The following ADAP2 variants were observed in gnomAD, a reference collection of about 807,000 sequenced individuals.
ADAP2 encodes the protein arf-GAP with dual PH domain-containing protein 2.
In ADAP2, 42 loss-of-function variants were observed where a neutral mutation model predicts 54.9. The ratio of observed to expected loss-of-function variants is 0.77; its 90% CI spans 0.60 to 0.99. The LOEUF (loss-of-function observed/expected upper bound fraction) is 0.99, where lower values mean the gene tolerates loss of function less well. Ranked by LOEUF, ADAP2 falls within the 50% of genes least tolerant of loss-of-function variation. The pLI is 0.00. For missense variants in ADAP2, 429 were observed against 480.4 expected (o/e 0.89, Z 1.00); for synonymous variants, 177 against 180.1 (o/e 0.98, Z 0.14).
chr17:30,933,011 G>T (rs1370040419), intron 4 of ADAP2, among the ~76,000 whole-genome samples: 1 of 152,074 alleles, frequency 6.6e-6, no homozygotes, highest in African/African-American at 2.4e-5. Context: ...CCTCCCTTTC[G>T]ACCATTGTGC....
chr17:30,922,996 G>A lies in ADAP2; in HGVS notation c.151G>A (p.Val51Ile). ...GIFICLNCCG[V>I]HRNFPDISRV... ...CTTCATCTGTCTCAACTGCTGCGGC[G>A]TCCACCGTAACTTCCCTGACATCAG... The change falls in exon 2 of 11, where the codon GTC becomes ATC. Residue 51 changes from valine to isoleucine, a missense_variant. Transcript: ENST00000330889. 1 of 1,614,062 alleles carries A rather than the reference G, an allele frequency of 6.2e-7. No individual in the cohort carries two copies. Among genetic ancestry groups the A allele is most frequent in the South Asian group, 1.1e-5 (1 of 91,060 alleles).
At chr17:30,946,162 CA>C (rs200632165) in intron 6 of ADAP2, among the ~76,000 whole-genome samples, 7 of 150,820 alleles carry the variant, frequency 4.6e-5, no homozygotes, top group Middle Eastern at 3.4e-3. Context: ...CTCAAAAAAA[CA>C]AAAAAAACAA....
chr17:30,940,789 G>GT (rs1912219319), intron 5 of ADAP2, among the ~76,000 whole-genome samples: 1 of 152,170 alleles, frequency 6.6e-6, no homozygotes, highest in Non-Finnish European at 1.5e-5. Flanking sequence ...TTTCTCAGAT[G>GT]TTTTTCTGCT....
At position 30,958,420 on chromosome 17, in the gene ADAP2, A is replaced by G. The variant is rs191432573; in HGVS notation, c.*551A>G. On this transcript the variant is annotated 3_prime_UTR_variant, in exon 11 of 11. Coordinates refer to ENST00000330889, the MANE Select transcript of ADAP2 (RefSeq NM_018404.3). ...AGCGAGACTCCGTATCAGAAAGAAA[A>G]AGAGGAACTGAATGAAATCTCAGAT... 6.5e-6 allele frequency: 1 copy of G among 152,812 alleles called. No individual in the cohort carries two copies. The highest frequency in any genetic ancestry group is 1.5e-5 in the Non-Finnish European group (1 of 68,314). 9.5% of individuals were successfully genotyped at this position (152,812 alleles called of 1,614,324 possible). A position where few individuals can be genotyped will look rare whatever the true frequency, so the allele number is the denominator to read the frequency against.
At chr17:30,928,325 G>A (rs368029872) in intron 3 of ADAP2, among the ~76,000 whole-genome samples, 2 of 150,888 alleles carry the variant, frequency 1.3e-5, no homozygotes, top group African/African-American at 4.9e-5. Flanking sequence ...GTGAAACCCC[G>A]TCTCTACTAA....
intron 6 of ADAP2, 66 bp from the exon 7 acceptor site, chr17:30,949,221 C>T: frequency 7.2e-7 from 1 of 1,383,480 alleles, no homozygotes; most frequent in Non-Finnish European, 1.0e-6. Context: ...TTCCCGCCAC[C>T]AGAGGTAGCT....
rs761276173 is a variant in ADAP2 at position 30,931,969 on chromosome 17, G to A, written c.397+1G>A. On this transcript the variant is annotated splice_donor_variant, in intron 4 of 10. Coordinates refer to ENST00000330889, the MANE Select transcript of ADAP2 (RefSeq NM_018404.3). LOFTEE classifies it high-confidence loss of function. ...GATGGGGAAACCATCTCGCTCCCAG[G>A]TAAAGTTATTTCCATCACCTTTTGA... The A allele has an allele frequency of 1.4e-5, 22 of 1,613,458 alleles. 1 individual carries two copies.
intron 3 of ADAP2, 119 bp from the exon 4 acceptor site, chr17:30,931,770 G>A (rs563543533): frequency 3.8e-5 from 25 of 659,178 alleles, no homozygotes; most frequent in African/African-American, 1.6e-4. Flanking sequence ...GCAGTGAGCC[G>A]TGATCACGTG....
chr17:30,941,295 A>G (rs1157855338), intron 5 of ADAP2, among the ~76,000 whole-genome samples: 1 of 152,164 alleles, frequency 6.6e-6, no homozygotes, highest in Non-Finnish European at 1.5e-5. Flanking sequence ...GATTTTTTTC[A>G]TTGTAAATTG....
intron 2 of ADAP2, 28 bp downstream of exon 2, chr17:30,923,098 T>C (rs201918740): frequency 6.2e-6 from 10 of 1,611,792 alleles, no homozygotes; most frequent in East Asian, 2.2e-5. Flanking sequence ...TGGAGAGCCA[T>C]GGAACTGCGG....
chr17:30,937,729 G>C (rs1911991365), intron 5 of ADAP2, among the ~76,000 whole-genome samples: 1 of 152,218 alleles, frequency 6.6e-6, no homozygotes, highest in Non-Finnish European at 1.5e-5. Context: ...TGAAGGATTG[G>C]ATGTGGGGTG....
chr17:30,940,391 G>C (rs1330727494), intron 5 of ADAP2, among the ~76,000 whole-genome samples: 2 of 150,526 alleles, frequency 1.3e-5, no homozygotes, highest in Admixed American at 6.6e-5. Flanking sequence ...TGCAACCTTC[G>C]CCTCCCAGGT....
Position 30,949,336 on chromosome 17 carries a change from T to TA in ADAP2, c.712dup (p.Met238AsnfsTer5). 6.2e-7 allele frequency: 1 copy of TA among 1,614,088 alleles called. No individual in the cohort carries two copies. Among genetic ancestry groups the TA allele is most frequent in the South Asian group, 1.1e-5 (1 of 91,072 alleles). On this transcript the variant is annotated frameshift_variant, in exon 7 of 11. Transcript: ENST00000330889. LOFTEE classifies it high-confidence loss of function. Reference sequence around the variant, plus strand: ...CTCCGTGCAGCCCGTCTGCAGTACCTAAAAATGGCCTTTCCTGAACTCCCA... The same window carrying TA: ...CTCCGTGCAGCCCGTCTGCAGTACCTAAAAAATGGCCTTTCCTGAACTCCCA...
chr17:30,930,884 T>C (rs949603081), intron 3 of ADAP2, among the ~76,000 whole-genome samples: 1 of 152,226 alleles, frequency 6.6e-6, no homozygotes, highest in Non-Finnish European at 1.5e-5. Context: ...ACACCTACTA[T>C]GTGCTGAGTA....
In ADAP2 at chr17:30,931,931, G is replaced by C. The variant is rs1230923148; in HGVS notation, c.360G>C (p.Arg120=). 1.9e-6 allele frequency: 3 copies of C among 1,613,938 alleles called. No individual in the cohort carries two copies. In the African/African-American group the frequency reaches 4.0e-5, roughly 22 times the overall value. The change falls in exon 4 of 11, where the codon CGG becomes CGC. Residue 120 remains arginine, a synonymous_variant. Coordinates refer to ENST00000330889, the MANE Select transcript of ADAP2 (RefSeq NM_018404.3). ...EQWIRAKYER[R]EFMADGETIS... ...GGATTCGAGCTAAGTATGAGAGACG[G>C]GAATTTATGGCTGATGGGGAAACCA...
At chr17:30,940,978 C>T (rs1421158470) in intron 5 of ADAP2, among the ~76,000 whole-genome samples, 1 of 152,200 alleles carries the variant, frequency 6.6e-6, no homozygotes, top group Non-Finnish European at 1.5e-5. Context: ...TCTCGGTAGC[C>T]ATTGCTTTGA....
intron 5 of ADAP2, among the ~76,000 whole-genome samples, chr17:30,937,283 G>A (rs1376138880): frequency 6.6e-6 from 1 of 151,622 alleles, no homozygotes; most frequent in Non-Finnish European, 1.5e-5. Context: ...GTGCAATGGT[G>A]TGATCTCGGC....
intron 5 of ADAP2, among the ~76,000 whole-genome samples, chr17:30,934,583 T>C (rs1338829137): frequency 6.6e-6 from 1 of 152,228 alleles, no homozygotes. Flanking sequence ...ATTGAGTACC[T>C]ACTGTGTGCT....
At chr17:30,956,209 C>A in intron 9 of ADAP2, 32 bp from the exon 10 acceptor site, 1 of 1,602,040 alleles carries the variant, frequency 6.2e-7, no homozygotes, top group East Asian at 2.2e-5. Flanking sequence ...CCTGGGGGCA[C>A]CCTCTGATGA....
Sources: gnomAD v4.1 joint callset for allele counts (sites outside exome capture counted in the v4.1 genomes callset) on GRCh38, gnomAD v4.1.1 for gene constraint, MANE v1.5 for transcripts, NCBI Gene and HGNC (gene_info 2026-07-23, HGNC 2026-07-21) for gene names.